The following MYRF variants were observed in gnomAD, a reference collection of about 807,000 sequenced individuals.
The protein encoded by MYRF is myelin gene regulatory factor.
Under a neutral mutation model 126.3 loss-of-function variants are expected in MYRF, and 16 were observed. The ratio of observed to expected loss-of-function variants is 0.13; its 90% CI spans 0.09 to 0.19. The LOEUF is 0.19. Ranked by LOEUF, MYRF falls within the 10% of genes least tolerant of loss-of-function variation. The pLI, the probability that MYRF is intolerant of heterozygous loss-of-function variation, is 1.00. For synonymous variants in MYRF, 608 were observed against 635.3 expected, an observed-to-expected ratio of 0.96 and a Z score of 0.65; for missense variants, 1,104 against 1,547.0, an observed-to-expected ratio of 0.71 and a Z score of 4.80.
chr11:61,766,293 C>A (rs919031896), intron 3 of MYRF, 72 bp downstream of exon 3: 15 of 1,461,892 alleles, frequency 1.0e-5, no homozygotes, highest in Non-Finnish European at 1.4e-5. Flanking sequence ...TGGCCGTGAC[C>A]TGGGAGGTGC....
chr11:61,771,661 G>A lies in MYRF; in HGVS notation c.902G>A (p.Gly301Asp). Reference sequence around the variant, plus strand: ...CCATCGCCACCCTGGCCTCCCCAGGGTCCGCTCTCCCCGGGCCCTGGTTCC... The same window carrying A: ...CCATCGCCACCCTGGCCTCCCCAGGATCCGCTCTCCCCGGGCCCTGGTTCC... ...RAPSPPWPPQ[G>D]PLSPGPGSLP... Residue 301 changes from glycine to aspartate, a missense_variant, in exon 6 of 27, where the codon GGT (glycine) becomes GAT (aspartate). By Grantham distance (94) the Gly-to-Asp change is moderately conservative. Coordinates refer to ENST00000278836, the MANE Select transcript of MYRF (RefSeq NM_001127392.3). 1.2e-6 allele frequency: 2 copies of A among 1,613,844 alleles called. No individual in the cohort carries two copies. The highest frequency in any genetic ancestry group is 1.7e-6 in the Non-Finnish European group (2 of 1,179,982).
Position 61,778,821 on chromosome 11 carries a change from G to A in MYRF, c.2013+332G>A, listed in dbSNP as rs1221323292. 2 of 558,610 alleles carry A rather than the reference G, an allele frequency of 3.6e-6. No individual in the cohort carries two copies. Among genetic ancestry groups the A allele is most frequent in the East Asian group, 4.3e-5 (1 of 23,148 alleles). 34.6% of individuals were successfully genotyped at this position (558,610 alleles called of 1,614,324 possible). ...TGGTTACCTCCAGGCTGAAATACGT[G>A]GTTTATTGTGAGGACGACGTTTGTC... is the stretch of plus-strand genomic sequence containing the variant. On this transcript the variant is annotated intron_variant, in intron 14 of 26. Transcript: ENST00000278836. This position sits in a 1 kb window ranked among gnomAD's most constrained non-coding sequence, Gnocchi z 4.6.
At chr11:61,770,571 AG>A in intron 5 of MYRF, 46 bp downstream of exon 5, 1 of 1,288,174 alleles carries the variant, frequency 7.8e-7, no homozygotes, top group Non-Finnish European at 1.1e-6. Context: ...GGTGGGGTAC[AG>A]GGACCAGGGT....
chr11:61,766,125 GCAACAA>G lies in MYRF; in HGVS notation c.310_315del (p.Asn104_Asn105del). On this transcript the variant is annotated inframe_deletion, in exon 3 of 27. Coordinates refer to ENST00000278836, the MANE Select transcript of MYRF (RefSeq NM_001127392.3). ...CCGGGCTACGGCACCCCGCTGAACT[GCAACAA>G]CAACAACGGCATGGGCGCTGCCCCC... 1 of 1,610,102 alleles carries G rather than the reference GCAACAA, an allele frequency of 6.2e-7. No individual in the cohort carries two copies. Among genetic ancestry groups the G allele is most frequent in the Non-Finnish European group, 8.5e-7 (1 of 1,179,462 alleles).
At chr11:61,765,497 TG>T in intron 1 of MYRF, 127 bp from the exon 2 acceptor site, 1 of 673,394 alleles carries the variant, frequency 1.5e-6, no homozygotes, top group Non-Finnish European at 2.5e-6. Flanking sequence ...CATGGATACC[TG>T]GGTGGGAAGG....
At chr11:61,785,553 G>A (rs1448383683) in intron 25 of MYRF, 2 of 564,204 alleles carry the variant, frequency 3.5e-6, no homozygotes, top group Non-Finnish European at 6.4e-6. Context: ...CAACAGGACT[G>A]GGAAGGAGGC....
Position 61,778,545 on chromosome 11 carries a change from G to A in MYRF, c.2013+56G>A, listed in dbSNP as rs1212613359. 1 of 1,260,362 alleles carries A rather than the reference G, an allele frequency of 7.9e-7. No homozygotes were observed. 78.1% of individuals were successfully genotyped at this position (1,260,362 alleles called of 1,614,324 possible). On this transcript the variant is annotated intron_variant, in intron 14 of 26. Transcript: ENST00000278836. This position sits in a 1 kb window ranked among gnomAD's most constrained non-coding sequence, Gnocchi z 4.6. ...AGAGGCAAGTGGGGAGCCAGCTGGG[G>A]AACACTCATCACCTCCATAGATACT...
intron 19 of MYRF, 77 bp downstream of exon 19, chr11:61,780,869 C>T: frequency 1.3e-6 from 2 of 1,583,032 alleles, no homozygotes; most frequent in Non-Finnish European, 8.6e-7. Flanking sequence ...CTCTCTGCCT[C>T]TTCCTGCCCT....
chr11:61,783,425 C>T lies in MYRF; in HGVS notation c.3017-73C>T. On this transcript the variant is annotated intron_variant, in intron 22 of 26. Coordinates refer to ENST00000278836, the MANE Select transcript of MYRF (RefSeq NM_001127392.3). The surrounding 1 kb of genome is among the most constrained non-coding windows in gnomAD (Gnocchi z 4.6). ...CATACTAAGGTGTGAGTGACTGCTT[C>T]AAGTCTGGCAAGGAAAGACTTGCCA... 8.2e-7 allele frequency: 1 copy of T among 1,215,254 alleles called. No homozygotes were observed. Among genetic ancestry groups the T allele is most frequent in the Non-Finnish European group, 1.2e-6 (1 of 830,818 alleles). 75.3% of individuals were successfully genotyped at this position (1,215,254 alleles called of 1,614,324 possible). A position where few individuals can be genotyped will look rare whatever the true frequency, so the allele number is the denominator to read the frequency against.
At chr11:61,769,233 C>G (rs1268979942) in intron 3 of MYRF, 27 bp from the exon 4 acceptor site, 2 of 1,496,328 alleles carry the variant, frequency 1.3e-6, no homozygotes, top group East Asian at 2.4e-5. Context: ...CTGCTCACCC[C>G]CCGGCCCCTT....
rs1424517237 is a variant in MYRF at position 61,766,215 on chromosome 11, C to A, written c.392C>A (p.Ala131Asp). The change falls in exon 3 of 27, where the codon GCC (alanine) becomes GAC (aspartate). Residue 131 changes from alanine (A) to aspartate (D), a missense_variant. Transcript: ENST00000278836. ...PIKAEPKAPY[A>D]PGTLPDSPPD... ...AAGGCTGAGCCCAAGGCTCCCTATGCCCCAGGGTGAGTAAGGGCAGGGAGT... is the reference window on the plus strand; with the variant it reads ...AAGGCTGAGCCCAAGGCTCCCTATGACCCAGGGTGAGTAAGGGCAGGGAGT... 6.2e-7 allele frequency: 1 copy of A among 1,604,696 alleles called. No individual in the cohort carries two copies. The highest frequency in any genetic ancestry group is 8.5e-7 in the Non-Finnish European group (1 of 1,177,134).
intron 18 of MYRF, 102 bp from the exon 19 acceptor site, chr11:61,780,610 T>G: frequency 8.8e-5 from 103 of 1,167,512 alleles, no homozygotes; most frequent in Middle Eastern, 1.9e-4. Flanking sequence ...TTGGGCTCTG[T>G]GAGCCCACTG....
intron 3 of MYRF, chr11:61,767,139 C>T (rs190087366): frequency 7.4e-5 from 34 of 456,382 alleles, no homozygotes; most frequent in African/African-American, 6.6e-4. Context: ...CCTGAGCTCC[C>T]TGGCTTTTGG....
chr11:61,764,593 G>T (rs1221476150), intron 1 of MYRF, among the ~76,000 whole-genome samples: 1 of 152,192 alleles, frequency 6.6e-6, no homozygotes, highest in African/African-American at 2.4e-5. Flanking sequence ...CCTCAGTGGG[G>T]CTGGCCAGCC....
Position 61,787,477 on chromosome 11 carries a change from C to T in MYRF, c.*1334C>T, listed in dbSNP as rs1281465153. 3 of 152,726 alleles carry T rather than the reference C, an allele frequency of 2.0e-5. No homozygotes were observed. The highest frequency in any genetic ancestry group is 7.2e-5 in the African/African-American group (3 of 41,438). The allele number at this position is 152,726 out of a possible 1,614,324, so 9.5% of individuals were successfully genotyped here. A position where few individuals can be genotyped will look rare whatever the true frequency, so the allele number is the denominator to read the frequency against. On this transcript the variant is annotated 3_prime_UTR_variant, in exon 27 of 27. Transcript: ENST00000278836. ...GTCCTTGCCCTGTGGTATGCTGCCA[C>T]CTCTTTGGGAAGCAGGCCTTGCCCC...
In MYRF at chr11:61,776,808, C is replaced by T. The variant is rs2066397994; in HGVS notation, c.1521C>T (p.Ala507=). The T allele has an allele frequency of 1.2e-6, 2 of 1,605,586 alleles. No individual in the cohort carries two copies. Among genetic ancestry groups the T allele is most frequent in the Non-Finnish European group, 1.7e-6 (2 of 1,176,380 alleles). The change falls in exon 11 of 27, where the codon GCC becomes GCT. Residue 507 remains alanine (A), a synonymous_variant. Transcript: ENST00000278836. This position sits in a 1 kb window ranked among gnomAD's most constrained non-coding sequence, Gnocchi z 4.3. ...CCAGGTACTTCATGCTGGTGGTGGC[C>T]CTCCAGGCTCATGCACAGAACCAGA... ...PDQRYFMLVV[A]LQAHAQNQNY...
At chr11:61,765,557 TG>T in intron 1 of MYRF, 67 bp from the exon 2 acceptor site, 1 of 1,316,396 alleles carries the variant, frequency 7.6e-7, no homozygotes, top group South Asian at 1.3e-5. Flanking sequence ...GATGGAGGGC[TG>T]GGCCCTGAAG....
chr11:61,771,808 A>G (rs766020863), intron 6 of MYRF, 21 bp from the exon 7 acceptor site: 2 of 1,613,994 alleles, frequency 1.2e-6, no homozygotes, highest in South Asian at 2.2e-5. Flanking sequence ...CAGGGCCCAC[A>G]TGGGCGTTCC....
At position 61,778,679 on chromosome 11, in the gene MYRF, A is replaced by C; in HGVS notation, c.2013+190A>C. Reference sequence around the variant, plus strand: ...TGAGTGTTCAAGGAGATGAGTGGGTAGGGATTTGGCCCCTGGAGCCTGTGT... The same window carrying C: ...TGAGTGTTCAAGGAGATGAGTGGGTCGGGATTTGGCCCCTGGAGCCTGTGT... On this transcript the variant is annotated intron_variant, in intron 14 of 26. Transcript: ENST00000278836. This position sits in a 1 kb window ranked among gnomAD's most constrained non-coding sequence, Gnocchi z 4.6. The C allele has an allele frequency of 1.5e-6, 1 of 661,468 alleles. No individual in the cohort carries two copies. Among genetic ancestry groups the C allele is most frequent in the Non-Finnish European group, 2.8e-6 (1 of 359,266 alleles). The allele number at this position is 661,468 out of a possible 1,614,324, so 41.0% of individuals were successfully genotyped here.
Sources: allele counts gnomAD v4.1 joint callset (sites outside exome capture counted in the v4.1 genomes callset), GRCh38; gene constraint gnomAD v4.1.1; non-coding constraint Gnocchi (gnomAD v3.1); transcripts MANE v1.5; gene names NCBI Gene and HGNC (gene_info 2026-07-23, HGNC 2026-07-21).